Variants in C19orf38 observed in about 807,000 individuals in gnomAD.
The protein encoded by C19orf38 is protein HIDE1.
In C19orf38, 14 loss-of-function variants were observed where a neutral mutation model predicts 26.6. The ratio of observed to expected loss-of-function variants is 0.53; its 90% CI spans 0.35 to 0.82. The LOEUF (loss-of-function observed/expected upper bound fraction) is 0.82. Ranked by LOEUF, C19orf38 falls within the 40% of genes least tolerant of loss-of-function variation. C19orf38 has a pLI of 0.01. For synonymous variants in C19orf38, 132 were observed against 128.5 expected, an observed-to-expected ratio of 1.03 and a Z score of -0.18; for missense variants, 261 against 299.5, an observed-to-expected ratio of 0.87 and a Z score of 0.95.
At chr19:10,836,818 A>G (rs1169746005) in intron 1 of C19orf38, 3 of 152,408 alleles carry the variant, frequency 2.0e-5, no homozygotes, top group Admixed American at 6.5e-5. Context: ...GGCTGTGAGA[A>G]TTGAGATGAG....
chr19:10,845,729 A>C (rs1175236541), upstream of C19orf38, among the ~76,000 whole-genome samples: 1 of 151,892 alleles, frequency 6.6e-6, no homozygotes, highest in African/African-American at 2.4e-5. Context: ...AATACAAAAA[A>C]TTAGCCATGC....
chr19:10,856,901 G>A (rs2073631594), intron 3 of C19orf38, among the ~76,000 whole-genome samples: 2 of 150,938 alleles, frequency 1.3e-5, no homozygotes, highest in Admixed American at 1.3e-4. Context: ...GGCTCAAGCA[G>A]TTCTCCTGCC....
chr19:10,854,469 C>G (rs2073604870), intron 2 of C19orf38, among the ~76,000 whole-genome samples: 1 of 152,228 alleles, frequency 6.6e-6, no homozygotes. Flanking sequence ...TTCCCGGCCT[C>G]AGGCTCCTCT....
chr19:10,851,488 G>A (rs574166569), intron 2 of C19orf38, among the ~76,000 whole-genome samples: 2 of 152,136 alleles, frequency 1.3e-5, no homozygotes, highest in African/African-American at 4.8e-5. Context: ...CTACAGGTGT[G>A]CACCACCATG....
chr19:10,850,741 G>GT (rs1438452525), intron 2 of C19orf38, among the ~76,000 whole-genome samples, 174 bp downstream of exon 2: 4 of 152,086 alleles, frequency 2.6e-5, no homozygotes, highest in African/African-American at 9.7e-5. Flanking sequence ...GGATTTGTTG[G>GT]TTCACTGAGC....
Position 10,856,330 on chromosome 19 carries a change from G to C in C19orf38, c.406G>C (p.Val136Leu). Residue 136 changes from valine (V) to leucine (L), a missense_variant, in exon 3 of 7, where the codon GTG (valine) becomes CTG (leucine). Transcript: ENST00000397820. The part of the protein sequence containing the change: ...AGALFLLAGL[V>L]AVALVVRKVK... ...TGCCCTCTTCCTCCTTGCTGGGCTG[G>C]TGGCTGTTGCCCTGGTGGTCAGAAA... The C allele has an allele frequency of 1.9e-6, 3 of 1,551,198 alleles. No individual in the cohort carries two copies. The highest frequency in any genetic ancestry group is 2.6e-6 in the Non-Finnish European group (3 of 1,146,672).
At chr19:10,862,479 A>G (rs911524246) in intron 5 of C19orf38, among the ~76,000 whole-genome samples, 4 of 151,688 alleles carry the variant, frequency 2.6e-5, no homozygotes, top group African/African-American at 9.7e-5. Flanking sequence ...CGTTGGGATT[A>G]CAGCCGTGAG....
chr19:10,858,950 T>C (rs1488650792), intron 4 of C19orf38, among the ~76,000 whole-genome samples: 5 of 151,424 alleles, frequency 3.3e-5, no homozygotes, highest in Non-Finnish European at 7.4e-5. Context: ...TTTTTTTTTT[T>C]TTTGAGATGG....
chr19:10,857,890 CAAAA>C (rs751472962), intron 3 of C19orf38, among the ~76,000 whole-genome samples: 3 of 89,294 alleles, frequency 3.4e-5, no homozygotes, highest in Non-Finnish European at 4.8e-5. Context: ...CAAAAAACAA[CAAAA>C]AAAGAAAGAA....
chr19:10,842,001 C>T (rs1310821613), intron 1 of C19orf38: 4 of 1,610,702 alleles, frequency 2.5e-6, no homozygotes, highest in Non-Finnish European at 3.4e-6. Context: ...AGGAAGCCAA[C>T]ATCCTTTTGG....
In C19orf38 at chr19:10,856,282, G is replaced by C. The variant is rs1349898865; in HGVS notation, c.358G>C (p.Val120Leu). The change falls in exon 3 of 7, where the codon GTG (valine) becomes CTG (leucine). Residue 120 changes from valine (V) to leucine (L), a missense_variant. By Grantham distance (32) the Val-to-Leu change is conservative (BLOSUM62 1). Coordinates refer to ENST00000397820, the MANE Select transcript of C19orf38 (RefSeq NM_001136482.3). ...TCCTCCAGTGCCCACTTGGATCTTG[G>C]TGCTCTCCCTGAGCCTGGCTGGTGC... Reference protein sequence around the residue: ...VSFPVPTWILVLSLSLAGALF... With the variant: ...VSFPVPTWILLLSLSLAGALF... 1 of 1,551,020 alleles carries C rather than the reference G, an allele frequency of 6.4e-7. No homozygotes were observed. The highest frequency in any genetic ancestry group is 8.7e-7 in the Non-Finnish European group (1 of 1,146,554).
upstream of C19orf38, among the ~76,000 whole-genome samples, chr19:10,848,072 TC>T (rs958406253): frequency 6.6e-6 from 1 of 152,002 alleles, no homozygotes; most frequent in Non-Finnish European, 1.5e-5. Flanking sequence ...CTGCCTGTAG[TC>T]CCAGCTACTC....
chr19:10,868,771 G>T (rs1204908488), intron 6 of C19orf38, among the ~76,000 whole-genome samples: 1 of 152,246 alleles, frequency 6.6e-6, no homozygotes, highest in Non-Finnish European at 1.5e-5. Flanking sequence ...CTCCCAAAGT[G>T]CTGGGATTAC....
rs553948318 is a variant in C19orf38, at chr19:10,862,250, A to G, written c.506-920A>G. On this transcript the variant is annotated intron_variant, in intron 5 of 6. Coordinates refer to ENST00000397820, the MANE Select transcript of C19orf38 (RefSeq NM_001136482.3). The stretch of plus-strand genomic sequence containing the variant: ...GACAGAGTCTTGCTCTGTCACCCAG[A>G]CAGGAACGCAGTGGCGCAATCATAG... Among the ~76,000 whole-genome samples, 344 of 137,378 alleles carry G rather than the reference A, an allele frequency of 2.5e-3. 4 individuals carry two copies. The highest frequency in any genetic ancestry group is 8.9e-3 in the African/African-American group (320 of 35,940). The allele number at this position is 137,378 out of a possible 152,430, so 90.1% of individuals were successfully genotyped here. A position where few individuals can be genotyped will look rare whatever the true frequency, so the allele number is the denominator to read the frequency against.
At chr19:10,849,129 C>T (rs1190989359) in intron 1 of C19orf38, among the ~76,000 whole-genome samples, 1 of 151,920 alleles carries the variant, frequency 6.6e-6, no homozygotes, top group African/African-American at 2.4e-5. Context: ...TGCCACCCAC[C>T]TCACTCACCC....
upstream of C19orf38, among the ~76,000 whole-genome samples, chr19:10,846,484 A>C (rs1306728515): frequency 6.6e-6 from 1 of 152,178 alleles, no homozygotes. Flanking sequence ...TAGGAAAAGA[A>C]GAGCCAATTG....
chr19:10,838,130 G>C (rs2073450640), intron 1 of C19orf38, among the ~76,000 whole-genome samples: 2 of 152,126 alleles, frequency 1.3e-5, no homozygotes, highest in African/African-American at 4.8e-5. Flanking sequence ...CAATTTTAAG[G>C]CCGGGTGTGG....
chr19:10,856,241 C>T lies in C19orf38; in HGVS notation c.341-24C>T. Reference sequence around the variant, plus strand: ...TGGAGAGACGACACTGACCTGCCCACTCTCTTTTCTGATTTTCCTCCAGTG... The same window carrying T: ...TGGAGAGACGACACTGACCTGCCCATTCTCTTTTCTGATTTTCCTCCAGTG... On this transcript the variant is annotated intron_variant, in intron 2 of 6. Transcript: ENST00000397820. 3.2e-6 allele frequency: 5 copies of T among 1,540,522 alleles called. No homozygotes were observed. The South Asian group carries it at 3.6e-5, about 11-fold the overall frequency.
chr19:10,838,688 C>T (rs1470873275), intron 1 of C19orf38, among the ~76,000 whole-genome samples: 1 of 152,072 alleles, frequency 6.6e-6, no homozygotes, highest in African/African-American at 2.4e-5. Context: ...CTCTCTGCTA[C>T]AGAGAGGAGT....
Sources: gnomAD v4.1 joint callset for allele counts (sites outside exome capture counted in the v4.1 genomes callset) on GRCh38, gnomAD v4.1.1 for gene constraint, MANE v1.5 for transcripts, NCBI Gene and HGNC (gene_info 2026-07-23, HGNC 2026-07-21) for gene names.